Variants in RCC1 observed in about 807,000 individuals in gnomAD.
RCC1 encodes the protein regulator of chromosome condensation.
A neutral mutation model predicts 44.4 loss-of-function variants in RCC1; 11 were observed. The observed-to-expected ratio is 0.25, with a 90% CI of 0.16 to 0.41. The LOEUF (loss-of-function observed/expected upper bound fraction) is 0.41. RCC1 is among the 10% of genes least tolerant of loss of function. The pLI, the probability that RCC1 is intolerant of heterozygous loss-of-function variation, is 1.00. For missense variants in RCC1, 386 were observed against 547.1 expected, an observed-to-expected ratio of 0.71 and a Z score of 2.94; for synonymous variants, 213 against 216.5, an observed-to-expected ratio of 0.98 and a Z score of 0.14.
In RCC1 at chr1:28,536,087, C is replaced by T; in HGVS notation, c.817+61C>T. 1.3e-6 allele frequency: 2 copies of T among 1,556,646 alleles called. No homozygotes were observed. The highest frequency in any genetic ancestry group is 1.7e-6 in the Non-Finnish European group (2 of 1,149,872). ...GGCCTGCGTTCCTGTCCTGGCTCTG[C>T]CACTCATTCATTGTGCATCCTTTGC... is the stretch of plus-strand genomic sequence containing the variant. On this transcript the variant is annotated intron_variant, in intron 10 of 12. Coordinates refer to ENST00000683442, the MANE Select transcript of RCC1 (RefSeq NM_001381865.2). This position sits in a 1 kb window ranked among gnomAD's most constrained non-coding sequence, Gnocchi z 4.9.
intron 7 of RCC1, among the ~76,000 whole-genome samples, chr1:28,533,639 G>A (rs1460627471): frequency 1.4e-5 from 2 of 146,968 alleles, no homozygotes; most frequent in African/African-American, 2.5e-5. Context: ...ACATGGTGGT[G>A]CATGCCTGTA....
intron 5 of RCC1, among the ~76,000 whole-genome samples, chr1:28,531,101 C>T (rs1201516554): frequency 6.6e-6 from 1 of 151,972 alleles, no homozygotes; most frequent in Non-Finnish European, 1.5e-5. Flanking sequence ...CGGTGGCGCG[C>T]GCCTGTAGTC....
intron 3 of RCC1, among the ~76,000 whole-genome samples, chr1:28,511,831 T>G (rs1184405411): frequency 6.6e-6 from 1 of 151,780 alleles, no homozygotes; most frequent in African/African-American, 2.4e-5. Flanking sequence ...CGGCTAATTT[T>G]TTTTGCATTT....
chr1:28,527,023 C>G, intron 4 of RCC1: 1 of 821,350 alleles, frequency 1.2e-6, no homozygotes, highest in South Asian at 1.3e-5. Flanking sequence ...TAAAATAGGG[C>G]GCATGCTGGG....
chr1:28,516,689 ATAATAATAATAATCACTTAT>A lies in RCC1; in HGVS notation c.-152-33_-152-14del. ...AATAAAGGGTCTTACAAAATAGGCA[ATAATAATAATAATCACTTAT>A]TATTATTACATGAAGCTACATGAAT... On this transcript the variant is annotated splice_polypyrimidine_tract_variant and intron_variant, in intron 3 of 12. Transcript: ENST00000683442. 1 of 315,034 alleles carries A rather than the reference ATAATAATAATAATCACTTAT, an allele frequency of 3.2e-6. No individual in the cohort carries two copies. The highest frequency in any genetic ancestry group is 6.3e-6 in the Non-Finnish European group (1 of 158,670). 19.5% of individuals were successfully genotyped at this position (315,034 alleles called of 1,614,324 possible). A position where few individuals can be genotyped will look rare whatever the true frequency, so the allele number is the denominator to read the frequency against.
intron 4 of RCC1, among the ~76,000 whole-genome samples, chr1:28,523,355 C>T (rs999169250): frequency 6.6e-6 from 1 of 152,128 alleles, no homozygotes; most frequent in African/African-American, 2.4e-5. Context: ...GACGCCAGCT[C>T]TGGAGTCTGA....
rs184061769 is a variant in RCC1, at chr1:28,538,514, A to G, written c.*507A>G. 1.5e-4 allele frequency: 23 copies of G among 152,554 alleles called. No individual in the cohort carries two copies. Among genetic ancestry groups the G allele is most frequent in the African/African-American group, 5.1e-4 (21 of 41,580 alleles). The allele number at this position is 152,554 out of a possible 1,614,324, so 9.5% of individuals were successfully genotyped here. ...GGAACGTGCAGAAAAAAGCAGAGCTACATGGCTGTGGGCAACTATAAGCCA... is the reference window on the plus strand; with the variant it reads ...GGAACGTGCAGAAAAAAGCAGAGCTGCATGGCTGTGGGCAACTATAAGCCA... On this transcript the variant is annotated 3_prime_UTR_variant, in exon 13 of 13. Coordinates refer to ENST00000683442, the MANE Select transcript of RCC1 (RefSeq NM_001381865.2).
chr1:28,530,513 TCTTTTGCAGACACGAGGGCCGCTGC>T, intron 5 of RCC1: 1 of 1,599,804 alleles, frequency 6.3e-7, no homozygotes, highest in African/African-American at 1.3e-5. Flanking sequence ...ACAGTGTCTG[TCTTTTGCAGACACGAGGGCCGCTGC>T]CTCCCGCCGC....
At position 28,523,116 on chromosome 1, in the gene RCC1, C is replaced by T. The variant is rs143865992; in HGVS notation, c.-10+6249C>T. 5.1e-3 allele frequency among the ~76,000 whole-genome samples: 746 copies of T among 146,638 alleles called. 5 individuals are homozygous for T. Among genetic ancestry groups the T allele is most frequent in the African/African-American group, 0.018 (695 of 39,546 alleles). On this transcript the variant is annotated intron_variant, in intron 4 of 12. Transcript: ENST00000683442. ...GCGTGATCTCGACTCACTGCAAGCT[C>T]TGCCTCCCGGGTTCACGCCATTTTC...
chr1:28,516,685 G>A, intron 3 of RCC1, 40 bp from the exon 4 acceptor site: 2 of 323,030 alleles, frequency 6.2e-6, no homozygotes, highest in South Asian at 5.0e-5. Context: ...TTACAAAATA[G>A]GCAATAATAA....
intron 7 of RCC1, chr1:28,532,822 T>G (rs1664262668): frequency 2.3e-6 from 1 of 434,000 alleles, no homozygotes; most frequent in Non-Finnish European, 4.6e-6. Context: ...TTGTTGTTTT[T>G]GTATTGTTTT....
At chr1:28,526,611 T>C in intron 4 of RCC1, 1 of 537,306 alleles carries the variant, frequency 1.9e-6, no homozygotes, top group Non-Finnish European at 3.5e-6. Context: ...ATCCAAAGGA[T>C]AGGGCTGGGC....
chr1:28,530,339 C>T (rs1358251228), intron 5 of RCC1, among the ~76,000 whole-genome samples: 1 of 152,206 alleles, frequency 6.6e-6, no homozygotes, highest in East Asian at 1.9e-4. Flanking sequence ...GCAGCCAGAG[C>T]AGCGTCACCC....
At position 28,535,375 on chromosome 1, in the gene RCC1, G is replaced by A; in HGVS notation, c.656G>A (p.Gly219Asp). The A allele has an allele frequency of 6.2e-7, 1 of 1,614,094 alleles. No individual in the cohort carries two copies. The highest frequency in any genetic ancestry group is 8.5e-7 in the Non-Finnish European group (1 of 1,180,004). The stretch of plus-strand genomic sequence containing the variant: ...TTTGCCAACCGTGGTGGCCGGCAAG[G>A]CCTCGGTAAGTGGCCTTGGTACCTC... ...ELFANRGGRQ[G>D]LERLLVPKCV... The change falls in exon 9 of 13, where the codon GGC becomes GAC. Residue 219 changes from glycine (G) to aspartate (D), a missense_variant. Transcript: ENST00000683442.
chr1:28,509,819 C>T (rs895702041), intron 3 of RCC1: 10 of 152,174 alleles, frequency 6.6e-5, no homozygotes, highest in African/African-American at 2.2e-4. Flanking sequence ...TAGGTCCTGA[C>T]CAATAGGACC....
intron 5 of RCC1, among the ~76,000 whole-genome samples, chr1:28,531,265 C>CTTTTTT (rs1178899130): frequency 1.5e-5 from 2 of 132,108 alleles, no homozygotes; most frequent in African/African-American, 5.9e-5. Flanking sequence ...TTTTCTTTTT[C>CTTTTTT]TTTTTTTTTT....
At position 28,532,526 on chromosome 1, in the gene RCC1, G is replaced by A. The variant is rs539715996; in HGVS notation, c.441+176G>A. ...AGCTTCCTCATGTGGGCCTGTCCAC[G>A]CCACTGGCTGCTTCCTTGAATCCGA... On this transcript the variant is annotated intron_variant, in intron 7 of 12. Coordinates refer to ENST00000683442, the MANE Select transcript of RCC1 (RefSeq NM_001381865.2). 2.7e-5 allele frequency: 17 copies of A among 618,338 alleles called. No homozygotes were observed. In the South Asian group the frequency reaches 3.1e-4, roughly 11 times the overall value. The allele number at this position is 618,338 out of a possible 1,614,324, so 38.3% of individuals were successfully genotyped here. A position where few individuals can be genotyped will look rare whatever the true frequency, so the allele number is the denominator to read the frequency against.
intron 1 of RCC1, chr1:28,507,151 T>C (rs186733547): frequency 3.4e-4 from 94 of 279,856 alleles, no homozygotes; most frequent in Non-Finnish European, 5.6e-4. Context: ...TGTCTTTGCT[T>C]CTGCGGTACC....
At chr1:28,535,709 ACTTGTATTCT>A in intron 9 of RCC1, 152 bp from the exon 10 acceptor site, 1 of 844,344 alleles carries the variant, frequency 1.2e-6, no homozygotes, top group South Asian at 1.4e-5. Context: ...TGAGCAAGGC[ACTTGTATTCT>A]CTTGATCTCA....
Sources: allele counts gnomAD v4.1 joint callset (sites outside exome capture counted in the v4.1 genomes callset), GRCh38; gene constraint gnomAD v4.1.1; non-coding constraint Gnocchi (gnomAD v3.1); transcripts MANE v1.5; gene names NCBI Gene and HGNC (gene_info 2026-07-23, HGNC 2026-07-21).